Variants in MAN1A2 observed in about 807,000 individuals in gnomAD.
The protein encoded by MAN1A2 is mannosyl-oligosaccharide 1,2-alpha-mannosidase IB.
Under a neutral mutation model 75.7 loss-of-function variants are expected in MAN1A2, and 26 were observed. The ratio of observed to expected loss-of-function variants is 0.34; its 90% CI spans 0.25 to 0.48. The LOEUF (loss-of-function observed/expected upper bound fraction) is 0.48. Ranked by LOEUF, MAN1A2 falls within the 20% of genes least tolerant of loss-of-function variation. The pLI is 0.99. For synonymous variants in MAN1A2, 247 were observed against 264.6 expected, an observed-to-expected ratio of 0.93 and a Z score of 0.65; for missense variants, 562 against 775.5, an observed-to-expected ratio of 0.72 and a Z score of 3.27.
intron 3 of MAN1A2, among the ~76,000 whole-genome samples, chr1:117,410,455 A>G (rs531314061): frequency 2.1e-4 from 32 of 151,944 alleles, no homozygotes; most frequent in Non-Finnish European, 3.7e-4. Flanking sequence ...GAATTTCAAA[A>G]CAACAACAAT....
intron 9 of MAN1A2, among the ~76,000 whole-genome samples, chr1:117,496,040 C>A (rs1380910875): frequency 6.6e-6 from 1 of 151,862 alleles, no homozygotes; most frequent in Admixed American, 6.6e-5. Context: ...GTTAAACTCA[C>A]ATTATTATTA....
chr1:117,368,622 T>G (rs1652850983), intron 1 of MAN1A2, 137 bp downstream of exon 1: 2 of 771,782 alleles, frequency 2.6e-6, no homozygotes, highest in Non-Finnish European at 4.1e-6. Flanking sequence ...ACTTCAAGAC[T>G]GGCTGAATAA....
chr1:117,429,075 C>T lies in MAN1A2; in HGVS notation c.855+8426C>T, dbSNP rs577583972. ...TTGCACCGCCCTTAATCCATTTAAC[C>T]CTGAGTGGACACAGCACATGTTTCA... On this transcript the variant is annotated intron_variant, in intron 5 of 12. Coordinates refer to ENST00000356554, the MANE Select transcript of MAN1A2 (RefSeq NM_006699.5). 1.0e-3 allele frequency among the ~76,000 whole-genome samples: 152 copies of T among 147,720 alleles called. 2 individuals carry two copies. Among genetic ancestry groups the T allele is most frequent in the African/African-American group, 3.5e-3 (138 of 39,932 alleles).
chr1:117,405,117 G>C (rs1647571636), intron 2 of MAN1A2, among the ~76,000 whole-genome samples: 1 of 152,076 alleles, frequency 6.6e-6, no homozygotes, highest in Non-Finnish European at 1.5e-5. Flanking sequence ...ATATTATCTG[G>C]GACTGCTTTT....
At chr1:117,503,458 A>AC (rs1651262625) in intron 12 of MAN1A2, among the ~76,000 whole-genome samples, 1 of 151,486 alleles carries the variant, frequency 6.6e-6, no homozygotes, top group South Asian at 2.1e-4. Flanking sequence ...GATGAGCCTT[A>AC]CTGTAAAGAT....
In MAN1A2 at chr1:117,410,732, G is replaced by T. The variant is rs192075929; in HGVS notation, c.656-3981G>T. On this transcript the variant is annotated intron_variant, in intron 3 of 12. Coordinates refer to ENST00000356554, the MANE Select transcript of MAN1A2 (RefSeq NM_006699.5). The stretch of plus-strand genomic sequence containing the variant: ...ATCCTAGGGAATGTACCCAAAAAAG[G>T]TGCTAGAATAAACAAATTTAGTAAT... Among the ~76,000 whole-genome samples the T allele has an allele frequency of 7.3e-4, 109 of 150,244 alleles. 1 individual carries two copies. Among genetic ancestry groups the T allele is most frequent in the African/African-American group, 2.6e-3 (108 of 41,134 alleles).
At chr1:117,384,437 CTTCAT>C (rs529347118) in intron 1 of MAN1A2, among the ~76,000 whole-genome samples, 163 of 152,090 alleles carry the variant, frequency 1.1e-3, no homozygotes, top group African/African-American at 3.7e-3. Flanking sequence ...TAATATCTAA[CTTCAT>C]TTCATTGGGG....
intron 1 of MAN1A2, among the ~76,000 whole-genome samples, chr1:117,387,216 T>TAAAAAAAAAAAAAAAAAA (rs565416366): frequency 8.0e-6 from 1 of 125,550 alleles, no homozygotes; most frequent in Non-Finnish European, 1.7e-5. Flanking sequence ...ATGGCTGTTG[T>TAAAAAAAAAAAAAAAAAA]AAAAAAAAAA....
chr1:117,446,152 TC>T (rs1649229550), intron 6 of MAN1A2, among the ~76,000 whole-genome samples: 1 of 151,536 alleles, frequency 6.6e-6, no homozygotes, highest in Non-Finnish European at 1.5e-5. Context: ...CATTCCTGAT[TC>T]TAGTAATTTG....
In MAN1A2 at chr1:117,376,935, A is replaced by G. The variant is rs541695827; in HGVS notation, c.302+8450A>G. Among the ~76,000 whole-genome samples the G allele has an allele frequency of 1.4e-4, 22 of 152,350 alleles. No homozygotes were observed. The East Asian group carries it at 4.2e-3, about 29-fold the overall frequency. ...TAATTTTAAGTACAGGAGAGGTTGTACATGGGTTATATGCAAATACTACAG... is the reference window on the plus strand; with the variant it reads ...TAATTTTAAGTACAGGAGAGGTTGTGCATGGGTTATATGCAAATACTACAG... On this transcript the variant is annotated intron_variant, in intron 1 of 12. Coordinates refer to ENST00000356554, the MANE Select transcript of MAN1A2 (RefSeq NM_006699.5).
At chr1:117,429,082 G>A (rs957526644) in intron 5 of MAN1A2, among the ~76,000 whole-genome samples, 8 of 147,886 alleles carry the variant, frequency 5.4e-5, no homozygotes, top group African/African-American at 2.0e-4. Flanking sequence ...AACCCTGAGT[G>A]GACACAGCAC....
intron 9 of MAN1A2, 44 bp downstream of exon 9, chr1:117,493,306 A>G: frequency 2.4e-6 from 3 of 1,262,434 alleles, no homozygotes; most frequent in Non-Finnish European, 1.2e-6. Context: ...GATTGAATGT[A>G]CAGTGTATTT....
chr1:117,482,590 G>GT (rs567343893), intron 8 of MAN1A2, among the ~76,000 whole-genome samples: 1,886 of 151,694 alleles, frequency 0.012, 23 homozygotes, highest in Middle Eastern at 0.031. Flanking sequence ...TGATGGGGTT[G>GT]TTTTTTTTCT....
At chr1:117,437,133 A>G (rs1413452991) in intron 5 of MAN1A2, among the ~76,000 whole-genome samples, 1 of 152,198 alleles carries the variant, frequency 6.6e-6, no homozygotes, top group African/African-American at 2.4e-5. Context: ...AGAATGAAGT[A>G]TAGAGAGTCA....
chr1:117,399,331 C>G (rs750252852), intron 1 of MAN1A2, among the ~76,000 whole-genome samples: 2 of 152,132 alleles, frequency 1.3e-5, no homozygotes, highest in Non-Finnish European at 1.5e-5. Context: ...TTAGCAATAA[C>G]TTGGGGATAA....
rs149185946 is a variant in MAN1A2 at position 117,445,015 on chromosome 1, T to C, written c.950+2690T>C. Among the ~76,000 whole-genome samples, 126 of 152,282 alleles carry C rather than the reference T, an allele frequency of 8.3e-4. 2 individuals carry two copies. Among genetic ancestry groups the C allele is most frequent in the Non-Finnish European group, 1.4e-3 (93 of 67,992 alleles). ...AGTTATATCAATTTCCTTTATCACA[T>C]TGAGGAAATTTCCTTCTATTCCTAT... On this transcript the variant is annotated intron_variant, in intron 6 of 12. Transcript: ENST00000356554.
At chr1:117,381,450 T>C (rs61809515) in intron 1 of MAN1A2, among the ~76,000 whole-genome samples, 18,136 of 151,900 alleles carry the variant, frequency 0.12, 1,144 homozygotes, top group Non-Finnish European at 0.14. Flanking sequence ...GTTTTTTGTC[T>C]TTGCGATAGT....
At chr1:117,399,972 C>T (rs1402844764) in intron 1 of MAN1A2, among the ~76,000 whole-genome samples, 6 of 152,188 alleles carry the variant, frequency 3.9e-5, no homozygotes, top group African/African-American at 9.6e-5. Flanking sequence ...TTAGTAGTAC[C>T]GTGTTTTTCT....
intron 11 of MAN1A2, among the ~76,000 whole-genome samples, chr1:117,500,135 A>C (rs3767802): frequency 0.26 from 39,217 of 151,728 alleles, 5,719 homozygotes; most frequent in East Asian, 0.47. Context: ...GTTTATGTAA[A>C]GCGAACGTTT....
Sources: gnomAD v4.1 joint callset for allele counts (sites outside exome capture counted in the v4.1 genomes callset) on GRCh38, gnomAD v4.1.1 for gene constraint, MANE v1.5 for transcripts, NCBI Gene and HGNC (gene_info 2026-07-23, HGNC 2026-07-21) for gene names.